Variants in PPIE observed in about 807,000 individuals in gnomAD.
PPIE encodes peptidyl-prolyl cis-trans isomerase E.
In PPIE, 20 loss-of-function variants were observed where a neutral mutation model predicts 38.4. The observed-to-expected ratio is 0.52, with a 90% CI of 0.37 to 0.76. The LOEUF is 0.76. Among genes scored for constraint, PPIE ranks in the 30% least tolerant of loss-of-function variants. The pLI is 0.00. For synonymous variants in PPIE, 142 were observed against 135.7 expected (o/e 1.05, Z -0.32); for missense variants, 322 against 385.8 (o/e 0.83, Z 1.39).
intron 9 of PPIE, chr1:39,763,154 C>T (rs1394799230): frequency 1.2e-6 from 2 of 1,614,022 alleles, no homozygotes; most frequent in Non-Finnish European, 1.7e-6. Context: ...AAGGAGCACT[C>T]CCCCTCACAG....
At chr1:39,739,104 C>T (rs1379232568) in intron 1 of PPIE, 173 bp downstream of exon 1, 3 of 614,248 alleles carry the variant, frequency 4.9e-6, no homozygotes, top group Non-Finnish European at 7.3e-6. Flanking sequence ...TCCAAGGTTT[C>T]CCACTGTCCT....
At chr1:39,758,900 C>G (rs1315654164), downstream of PPIE, 1 of 152,296 alleles carries the variant, frequency 6.6e-6, no homozygotes, top group African/African-American at 2.4e-5. Flanking sequence ...TCCACCCCTG[C>G]TGCTGGACCA....
At chr1:39,750,855 T>C (rs886977779) in intron 8 of PPIE, among the ~76,000 whole-genome samples, 2 of 152,226 alleles carry the variant, frequency 1.3e-5, no homozygotes, top group African/African-American at 4.8e-5. Flanking sequence ...GGCCCCTCTT[T>C]ACTATACTGA....
intron 7 of PPIE, chr1:39,748,058 A>C (rs1197679337): frequency 1.3e-5 from 2 of 152,076 alleles, no homozygotes; most frequent in Non-Finnish European, 2.9e-5. Context: ...TTGACCTCCC[A>C]AAGCACTGGG....
chr1:39,756,287 C>T lies in PPIE; in HGVS notation c.*2932C>T. Reference sequence around the variant, plus strand: ...ACTGTGTGGCTCCTGTCCCAACTGGCCTCCCCATTCCACATTCCCATTGCT... The same window carrying T: ...ACTGTGTGGCTCCTGTCCCAACTGGTCTCCCCATTCCACATTCCCATTGCT... On this transcript the variant is annotated 3_prime_UTR_variant, in exon 10 of 10. Coordinates refer to ENST00000324379, the MANE Select transcript of PPIE (RefSeq NM_006112.4). The T allele has an allele frequency of 1.0e-6, 1 of 985,474 alleles. No individual in the cohort carries two copies. Among genetic ancestry groups the T allele is most frequent in the South Asian group, 4.7e-5 (1 of 21,284 alleles). 61.0% of individuals were successfully genotyped at this position (985,474 alleles called of 1,614,324 possible). A position where few individuals can be genotyped will look rare whatever the true frequency, so the allele number is the denominator to read the frequency against.
downstream of PPIE, chr1:39,760,677 C>G: frequency 7.3e-7 from 1 of 1,371,634 alleles, no homozygotes; most frequent in Non-Finnish European, 9.8e-7. Flanking sequence ...CATCTCCAGG[C>G]CACATGGGAG....
At chr1:39,762,919 A>G (rs144812611) in intron 9 of PPIE, among the ~76,000 whole-genome samples, 1 of 152,202 alleles carries the variant, frequency 6.6e-6, no homozygotes, top group African/African-American at 2.4e-5. Flanking sequence ...GTGGCTGTAT[A>G]AGGACCAGTT....
chr1:39,746,128 T>A (rs1351285882), intron 7 of PPIE: 1 of 152,282 alleles, frequency 6.6e-6, no homozygotes, highest in Non-Finnish European at 1.5e-5. Context: ...AACATTATCT[T>A]CTGATTTTCT....
intron 3 of PPIE, 37 bp from the exon 4 acceptor site, chr1:39,741,858 G>T (rs1161457311): frequency 6.2e-7 from 1 of 1,613,654 alleles, no homozygotes. Context: ...GCATTTGGCT[G>T]CAAGCCTAAA....
rs766699936 is a variant in PPIE, at chr1:39,738,916, C to A, written c.16C>A (p.Arg6Ser). MATTK[R>S]VLYVGGLAEE... is the part of the protein sequence containing the mutation. ...CGCGAGCAAGATGGCCACCACCAAG[C>A]GCGTCTTGTACGTGGGTGAGCAGGA... The change falls in exon 1 of 10, where the codon CGC becomes AGC. Residue 6 changes from arginine (R) to serine (S), a missense_variant. Coordinates refer to ENST00000324379, the MANE Select transcript of PPIE (RefSeq NM_006112.4). 6.7e-7 allele frequency: 1 copy of A among 1,502,496 alleles called. No homozygotes were observed. The highest frequency in any genetic ancestry group is 8.9e-7 in the Non-Finnish European group (1 of 1,126,988). 93.1% of individuals were successfully genotyped at this position (1,502,496 alleles called of 1,614,324 possible). A position where few individuals can be genotyped will look rare whatever the true frequency, so the allele number is the denominator to read the frequency against.
At chr1:39,740,029 TGA>T in intron 1 of PPIE, 134 bp from the exon 2 acceptor site, 1 of 626,532 alleles carries the variant, frequency 1.6e-6, no homozygotes, top group Non-Finnish European at 2.9e-6. Context: ...TGGGCAGAGA[TGA>T]GAGGGGGATG....
intron 1 of PPIE, 86 bp from the exon 2 acceptor site, chr1:39,740,079 C>T: frequency 3.0e-6 from 3 of 995,674 alleles, no homozygotes; most frequent in Non-Finnish European, 4.7e-6. Flanking sequence ...GGGTCCTGTC[C>T]CCTGGCTAGC....
chr1:39,748,631 AG>A (rs1647368700), intron 7 of PPIE: 1 of 401,482 alleles, frequency 2.5e-6, no homozygotes, highest in Non-Finnish European at 4.6e-6. Flanking sequence ...GCTACTCAAG[AG>A]GCTGAGGCAG....
At chr1:39,760,894 A>G (rs2124412730), downstream of PPIE, among the ~76,000 whole-genome samples, 1 of 152,186 alleles carries the variant, frequency 6.6e-6, no homozygotes, top group East Asian at 1.9e-4. Context: ...CTGTGTGGCC[A>G]GGTTTGTGCC....
At chr1:39,762,954 G>A (rs1036028287) in intron 9 of PPIE, 9 of 1,097,594 alleles carry the variant, frequency 8.2e-6, no homozygotes, top group Admixed American at 2.3e-5. Context: ...GGAAGTTAGC[G>A]ACGTTACTGA....
intron 9 of PPIE, chr1:39,762,634 G>A: frequency 1.3e-6 from 2 of 1,546,138 alleles, no homozygotes; most frequent in Middle Eastern, 3.4e-4. Context: ...GAAGCTTCCT[G>A]CCTGCGGTGC....
intron 7 of PPIE, chr1:39,747,188 GTTCA>G (rs1178759028): frequency 2.0e-5 from 3 of 152,244 alleles, no homozygotes; most frequent in Non-Finnish European, 4.4e-5. Flanking sequence ...TAAATATCTT[GTTCA>G]TTCATTTGTT....
At chr1:39,756,770 T>G, downstream of PPIE, 1 of 224,614 alleles carries the variant, frequency 4.5e-6, no homozygotes, top group Non-Finnish European at 7.4e-6. Context: ...AAAATATTAA[T>G]AGTGTGTTTA....
intron 9 of PPIE, among the ~76,000 whole-genome samples, chr1:39,761,939 G>A (rs1649046459): frequency 6.6e-6 from 1 of 152,252 alleles, no homozygotes; most frequent in Admixed American, 6.5e-5. Context: ...TTGAGCCCCT[G>A]AGGGGCAGGG....
Sources: gnomAD v4.1 joint callset for allele counts (sites outside exome capture counted in the v4.1 genomes callset) on GRCh38, gnomAD v4.1.1 for gene constraint, MANE v1.5 for transcripts, NCBI Gene and HGNC (gene_info 2026-07-23, HGNC 2026-07-21) for gene names.